WWP2: variants seen among roughly 807,000 people sequenced by gnomAD.
WWP2 encodes the protein WW domain containing E3 ubiquitin protein ligase 2, also known as NEDD4-like E3 ubiquitin-protein ligase WWP2.
A neutral mutation model predicts 121.0 loss-of-function variants in WWP2; 57 were observed. The ratio of observed to expected loss-of-function variants is 0.47; its 90% CI spans 0.38 to 0.59. The LOEUF is 0.59. WWP2 is among the 20% of genes least tolerant of loss of function. The probability of loss-of-function intolerance (pLI) is 0.00; values close to 1 mark genes in which losing one functional copy is unlikely to be tolerated. For missense variants in WWP2, 962 were observed against 1,158.9 expected (o/e 0.83, Z 2.47); for synonymous variants, 449 against 441.3 (o/e 1.02, Z -0.22).
In WWP2 at chr16:69,937,300, T is replaced by C; in HGVS notation, c.2238+62T>C. ...CCTCTGGGGCGATCCTGCTCTGTGATACGCTCACTGTGTACCCACAGACAC... is the reference window on the plus strand; with the variant it reads ...CCTCTGGGGCGATCCTGCTCTGTGACACGCTCACTGTGTACCCACAGACAC... On this transcript the variant is annotated intron_variant, in intron 20 of 23. Transcript: ENST00000359154. The surrounding 1 kb of genome is among the most constrained non-coding windows in gnomAD (Gnocchi z 6.6). 6.3e-7 allele frequency: 1 copy of C among 1,595,360 alleles called. No individual in the cohort carries two copies. The highest frequency in any genetic ancestry group is 8.5e-7 in the Non-Finnish European group (1 of 1,170,720).
intron 7 of WWP2, among the ~76,000 whole-genome samples, chr16:69,884,163 T>A (rs1178687031): frequency 1.3e-5 from 2 of 152,220 alleles, no homozygotes; most frequent in Non-Finnish European, 1.5e-5. Flanking sequence ...CACATGTGTA[T>A]GCACACAAAC....
chr16:69,785,904 G>C (rs1310849789), intron 1 of WWP2: 1 of 151,756 alleles, frequency 6.6e-6, no homozygotes, highest in Non-Finnish European at 1.5e-5. Context: ...TGGGATTACA[G>C]ACCATGAGCC....
chr16:69,823,023 T>TG (rs1182092448), intron 4 of WWP2, among the ~76,000 whole-genome samples: 1 of 151,918 alleles, frequency 6.6e-6, no homozygotes, highest in Non-Finnish European at 1.5e-5. Flanking sequence ...CTCAGCTACT[T>TG]GGGAGGCTAA....
chr16:69,935,530 G>A lies in WWP2; in HGVS notation c.1843-323G>A, dbSNP rs1037376538. On this transcript the variant is annotated intron_variant, in intron 17 of 23. Coordinates refer to ENST00000359154, the MANE Select transcript of WWP2 (RefSeq NM_001270454.2). The surrounding 1 kb of genome is among the most constrained non-coding windows in gnomAD (Gnocchi z 5.2). ...GAGCAAGCCTTTTCTGTGAGCGTGG[G>A]GCAGACCTTTGCTAGGCCAGGAGCC... Among the ~76,000 whole-genome samples the A allele has an allele frequency of 1.3e-5, 2 of 152,210 alleles. No individual in the cohort carries two copies. The highest frequency in any genetic ancestry group is 4.8e-5 in the African/African-American group (2 of 41,460).
rs369827464 is a variant in WWP2 at position 69,871,807 on chromosome 16, G to A, written c.579G>A (p.Thr193=). The part of the protein sequence containing the change: ...STNCFGGRSR[T]HRHSGASART... ...GCTTTCTACTTTGAACCCCCAGGAC[G>A]CACAGACATTCGGGTGCTTCAGCCA... Residue 193 remains threonine (T), a synonymous_variant, in exon 7 of 24, where the codon ACG becomes ACA. Coordinates refer to ENST00000359154, the MANE Select transcript of WWP2 (RefSeq NM_001270454.2). 3.0e-5 allele frequency: 48 copies of A among 1,614,018 alleles called. No individual in the cohort carries two copies. Among genetic ancestry groups the A allele is most frequent in the Middle Eastern group, 1.6e-4 (1 of 6,062 alleles).
intron 2 of WWP2, among the ~76,000 whole-genome samples, chr16:69,791,062 A>T (rs1194976218): frequency 6.6e-6 from 1 of 151,976 alleles, no homozygotes; most frequent in Non-Finnish European, 1.5e-5. Context: ...AGTTAGAGTG[A>T]ACTAATATGG....
At chr16:69,806,885 A>G (rs2056286007) in intron 4 of WWP2, among the ~76,000 whole-genome samples, 1 of 152,008 alleles carries the variant, frequency 6.6e-6, no homozygotes, top group Admixed American at 6.6e-5. Flanking sequence ...TGTAATATTA[A>G]TTTCTGTCTT....
At chr16:69,789,029 A>G (rs945362794) in intron 2 of WWP2, among the ~76,000 whole-genome samples, 1 of 152,144 alleles carries the variant, frequency 6.6e-6, no homozygotes, top group African/African-American at 2.4e-5. Flanking sequence ...TAATATACTC[A>G]TGGAGTTTAA....
chr16:69,847,552 G>A (rs1415834903), intron 6 of WWP2, among the ~76,000 whole-genome samples: 5 of 151,702 alleles, frequency 3.3e-5, no homozygotes, highest in Admixed American at 3.3e-4. Context: ...GGGATTACAG[G>A]CATGCGCCAC....
At chr16:69,789,624 A>G (rs1260648961) in intron 2 of WWP2, among the ~76,000 whole-genome samples, 1 of 152,200 alleles carries the variant, frequency 6.6e-6, no homozygotes, top group African/African-American at 2.4e-5. Context: ...ATACACCAAA[A>G]GGGATGCATT....
In WWP2 at chr16:69,766,123, C is replaced by G. The variant is rs149950952; in HGVS notation, c.-16+3732C>G. Among the ~76,000 whole-genome samples the G allele has an allele frequency of 8.5e-3, 1,298 of 152,204 alleles. 30 individuals are homozygous for G. Among genetic ancestry groups the G allele is most frequent in the Non-Finnish European group, 6.6e-3 (450 of 68,006 alleles). On this transcript the variant is annotated intron_variant, in intron 1 of 23. Transcript: ENST00000359154. ...AACATCAACAAAATTGAGCCCTACACCTGCCCCTCAGACAGCCTTCCCCAT... is the reference window on the plus strand; with the variant it reads ...AACATCAACAAAATTGAGCCCTACAGCTGCCCCTCAGACAGCCTTCCCCAT...
At chr16:69,787,887 C>T (rs1267185614) in intron 2 of WWP2, 2 of 152,396 alleles carry the variant, frequency 1.3e-5, no homozygotes, top group Admixed American at 6.5e-5. Flanking sequence ...CTGGTTGACT[C>T]GATCTTCAAA....
At chr16:69,786,955 A>G (rs374923286) in intron 1 of WWP2, 41 bp from the exon 2 acceptor site, 61 of 1,527,244 alleles carry the variant, frequency 4.0e-5, no homozygotes, top group Non-Finnish European at 5.3e-5. Context: ...CTGTCTTCTT[A>G]TCAGATATTC....
chr16:69,908,209 C>A (rs754553196), intron 8 of WWP2, among the ~76,000 whole-genome samples: 2 of 152,144 alleles, frequency 1.3e-5, no homozygotes, highest in Non-Finnish European at 2.9e-5. Flanking sequence ...TGTGTCACTG[C>A]ACTTCAGCCT....
chr16:69,880,612 C>A (rs985881102), intron 7 of WWP2, among the ~76,000 whole-genome samples: 1 of 152,148 alleles, frequency 6.6e-6, no homozygotes, highest in South Asian at 2.1e-4. Flanking sequence ...TTTTTCCTCA[C>A]GTAATATAAC....
chr16:69,867,080 C>T (rs1323727336), intron 6 of WWP2, among the ~76,000 whole-genome samples: 1 of 151,368 alleles, frequency 6.6e-6, no homozygotes, highest in Non-Finnish European at 1.5e-5. Flanking sequence ...AGGTGATCCA[C>T]CTGCCTCAGC....
At chr16:69,910,918 C>A (rs2058370101) in intron 9 of WWP2, among the ~76,000 whole-genome samples, 1 of 152,170 alleles carries the variant, frequency 6.6e-6, no homozygotes, top group Non-Finnish European at 1.5e-5. Flanking sequence ...GATGGCTCAC[C>A]TGTACGCCCT....
At chr16:69,927,268 A>G (rs1331872099) in intron 11 of WWP2, among the ~76,000 whole-genome samples, 1 of 151,764 alleles carries the variant, frequency 6.6e-6, no homozygotes, top group Non-Finnish European at 1.5e-5. Context: ...AATGAACAGG[A>G]AGAACAGCCA....
rs750164467 is a variant in WWP2 at position 69,939,095 on chromosome 16, G to T, written c.2412G>T (p.Leu804=). ...LLQFVTGTCR[L]PVGGFAELIG... is the part of the protein sequence containing the mutation. ...AGTTTGTCACCGGTACCTGCCGCCT[G>T]CCCGTCGGGGGATTTGCCGAACTCA... Residue 804 remains leucine (L), a synonymous_variant, in exon 22 of 24, where the codon CTG becomes CTT. Coordinates refer to ENST00000359154, the MANE Select transcript of WWP2 (RefSeq NM_001270454.2). 65 of 1,604,896 alleles carry T rather than the reference G, an allele frequency of 4.1e-5. No individual in the cohort carries two copies. Among genetic ancestry groups the T allele is most frequent in the Non-Finnish European group, 5.5e-5 (65 of 1,175,228 alleles).
Sources: gnomAD v4.1 joint callset for allele counts (sites outside exome capture counted in the v4.1 genomes callset) on GRCh38, gnomAD v4.1.1 for gene constraint, Gnocchi (gnomAD v3.1) non-coding constraint, MANE v1.5 for transcripts, NCBI Gene and HGNC (gene_info 2026-07-23, HGNC 2026-07-21) for gene names.